FAM131C: variants seen among roughly 807,000 people sequenced by gnomAD.
The protein encoded by FAM131C is protein FAM131C.
Under a neutral mutation model 29.8 loss-of-function variants are expected in FAM131C, and 14 were observed. The observed-to-expected ratio is 0.47, with a 90% CI of 0.31 to 0.73. The LOEUF (loss-of-function observed/expected upper bound fraction) is 0.73. FAM131C is among the 30% of genes least tolerant of loss of function. FAM131C has a pLI of 0.05. For missense variants in FAM131C, 252 were observed against 383.8 expected (o/e 0.66, Z 2.87); for synonymous variants, 86 against 157.8 (o/e 0.54, Z 3.41).
chr1:16,058,231 G>C lies in FAM131C; in HGVS notation c.*206C>G. On this transcript the variant is annotated 3_prime_UTR_variant, in exon 7 of 7. Coordinates refer to ENST00000375662, the MANE Select transcript of FAM131C (RefSeq NM_182623.3). The stretch of plus-strand genomic sequence containing the variant: ...TGAGTGAAGTAATGAAGGGGGAGGG[G>C]GTTATGGCTCCCACTGCTGGGGCAG... 4.6e-6 allele frequency: 2 copies of C among 435,638 alleles called. No homozygotes were observed. Among genetic ancestry groups the C allele is most frequent in the Non-Finnish European group, 8.1e-6 (2 of 247,858 alleles). 27.0% of individuals were successfully genotyped at this position (435,638 alleles called of 1,614,324 possible). A position where few individuals can be genotyped will look rare whatever the true frequency, so the allele number is the denominator to read the frequency against.
At chr1:16,072,159 G>A (rs1164540684) in intron 1 of FAM131C, among the ~76,000 whole-genome samples, 5 of 152,146 alleles carry the variant, frequency 3.3e-5, no homozygotes, top group South Asian at 2.1e-4. Context: ...CCTGGCACAC[G>A]GCAGCTATCA....
intron 1 of FAM131C, among the ~76,000 whole-genome samples, chr1:16,070,875 C>T (rs899747760): frequency 3.3e-4 from 50 of 152,328 alleles, no homozygotes; most frequent in African/African-American, 9.9e-4. Flanking sequence ...AGCCCTGCTT[C>T]GTATTCTGCA....
At chr1:16,062,404 C>T (rs1212335146) in intron 3 of FAM131C, 95 bp downstream of exon 3, 9 of 1,347,292 alleles carry the variant, frequency 6.7e-6, no homozygotes, top group Admixed American at 2.8e-5. Flanking sequence ...CGCCCCAGGG[C>T]CAGCAGGACT....
At chr1:16,058,814 C>G in intron 6 of FAM131C, 97 bp from the exon 7 acceptor site, 1 of 1,156,120 alleles carries the variant, frequency 8.6e-7, no homozygotes, top group Non-Finnish European at 1.2e-6. Context: ...GAAGACCTGC[C>G]TCCAAATCCA....
intron 4 of FAM131C, among the ~76,000 whole-genome samples, chr1:16,061,791 C>A (rs2023597467): frequency 3.3e-5 from 5 of 151,678 alleles, no homozygotes; most frequent in Admixed American, 3.3e-4. Flanking sequence ...TTCCAGGGAA[C>A]CTGAACTAAG....
intron 1 of FAM131C, among the ~76,000 whole-genome samples, chr1:16,070,287 G>A (rs748918540): frequency 1.3e-5 from 2 of 152,160 alleles, no homozygotes; most frequent in South Asian, 2.1e-4. Flanking sequence ...CTCAACAAAC[G>A]GTAGCTTAAA....
At chr1:16,072,578 C>G (rs2124138315) in intron 1 of FAM131C, among the ~76,000 whole-genome samples, 1 of 152,260 alleles carries the variant, frequency 6.6e-6, no homozygotes, top group East Asian at 1.9e-4. Context: ...TAAAATGTTG[C>G]CCAACAGCCT....
At chr1:16,066,450 C>A (rs1473755619) in intron 1 of FAM131C, among the ~76,000 whole-genome samples, 1 of 152,186 alleles carries the variant, frequency 6.6e-6, no homozygotes, top group Non-Finnish European at 1.5e-5. Flanking sequence ...GTTCTTTTTC[C>A]TGAGTCCCTG....
chr1:16,059,744 C>T (rs2023563710), intron 5 of FAM131C, 125 bp downstream of exon 5: 2 of 301,924 alleles, frequency 6.6e-6, no homozygotes, highest in African/African-American at 3.0e-5. Flanking sequence ...AGAGTGCTCA[C>T]TTAATACTCA....
At chr1:16,061,592 C>T (rs1371377018) in intron 4 of FAM131C, among the ~76,000 whole-genome samples, 1 of 152,164 alleles carries the variant, frequency 6.6e-6, no homozygotes, top group Non-Finnish European at 1.5e-5. Flanking sequence ...AGCCCCCTTG[C>T]CTTGGGGTGT....
chr1:16,058,889 C>G (rs1250011569), intron 6 of FAM131C, among the ~76,000 whole-genome samples, 172 bp from the exon 7 acceptor site: 1 of 152,232 alleles, frequency 6.6e-6, no homozygotes, highest in Non-Finnish European at 1.5e-5. Flanking sequence ...CCAGCTTTCT[C>G]CTCCAGGCAG....
intron 1 of FAM131C, among the ~76,000 whole-genome samples, chr1:16,070,088 G>A (rs769148291): frequency 1.3e-5 from 2 of 152,158 alleles, no homozygotes; most frequent in African/African-American, 2.4e-5. Flanking sequence ...AGAAAGCAAA[G>A]GACGGGGTTT....
chr1:16,065,885 G>C lies in FAM131C; in HGVS notation c.23-2249C>G, dbSNP rs553288057. Among the ~76,000 whole-genome samples, 12 of 150,504 alleles carry C rather than the reference G, an allele frequency of 8.0e-5. 1 individual carries two copies. In the East Asian group the frequency reaches 2.3e-3, roughly 29 times the overall value. ...GGGGAAGGTAAGCATTCAGTTGGAGGTGAGATTAAGGTTTTCTTTTCTTTT... is the reference window on the plus strand; with the variant it reads ...GGGGAAGGTAAGCATTCAGTTGGAGCTGAGATTAAGGTTTTCTTTTCTTTT... On this transcript the variant is annotated intron_variant, in intron 1 of 6. Transcript: ENST00000375662.
chr1:16,071,111 T>C (rs2023744155), intron 1 of FAM131C, among the ~76,000 whole-genome samples: 1 of 152,228 alleles, frequency 6.6e-6, no homozygotes, highest in Admixed American at 6.5e-5. Flanking sequence ...AGTGCCTACC[T>C]GGCCTAGGAG....
rs2023616397 is a variant in FAM131C, at chr1:16,062,482, C to T, written c.174+17G>A. On this transcript the variant is annotated intron_variant, in intron 3 of 6. Transcript: ENST00000375662. ...CAGCTGGGGCCGGCTAGAATGGGGA[C>T]ACACAAGTGCACTGACCTGCCAAGG... 1 of 1,575,214 alleles carries T rather than the reference C, an allele frequency of 6.3e-7. No individual in the cohort carries two copies. Among genetic ancestry groups the T allele is most frequent in the East Asian group, 2.3e-5 (1 of 43,614 alleles).
rs777129969 is a variant in FAM131C, at chr1:16,058,362, G to T, written c.*75C>A. On this transcript the variant is annotated 3_prime_UTR_variant, in exon 7 of 7. Coordinates refer to ENST00000375662, the MANE Select transcript of FAM131C (RefSeq NM_182623.3). Reference sequence around the variant, plus strand: ...AGGGATGCCCTGCCCTGGACCCCGGGGTCCAGATATGCCTGGGCTGCCCAC... The same window carrying T: ...AGGGATGCCCTGCCCTGGACCCCGGTGTCCAGATATGCCTGGGCTGCCCAC... 13 of 1,381,124 alleles carry T rather than the reference G, an allele frequency of 9.4e-6. No individual in the cohort carries two copies. The highest frequency in any genetic ancestry group is 1.2e-5 in the Non-Finnish European group (13 of 1,045,298). The allele number at this position is 1,381,124 out of a possible 1,614,324, so 85.6% of individuals were successfully genotyped here. A position where few individuals can be genotyped will look rare whatever the true frequency, so the allele number is the denominator to read the frequency against.
chr1:16,072,722 C>T (rs1170597604), intron 1 of FAM131C, among the ~76,000 whole-genome samples: 1 of 152,052 alleles, frequency 6.6e-6, no homozygotes, highest in Non-Finnish European at 1.5e-5. Flanking sequence ...TGCCCTGGGC[C>T]CCCAGGCAAG....
chr1:16,073,328 G>A, intron 1 of FAM131C, 93 bp downstream of exon 1: 1 of 704,840 alleles, frequency 1.4e-6, no homozygotes, highest in Non-Finnish European at 1.9e-6. Flanking sequence ...TGAAGGGCGG[G>A]TCGCCAGCCC....
At chr1:16,060,950 A>G (rs12144143) in intron 4 of FAM131C, among the ~76,000 whole-genome samples, 77,940 of 151,892 alleles carry the variant, frequency 0.51, 20,711 homozygotes, top group Middle Eastern at 0.58. Flanking sequence ...GGGCAGACAG[A>G]GAGGAGGGGT....
Sources: allele counts gnomAD v4.1 joint callset (sites outside exome capture counted in the v4.1 genomes callset), GRCh38; gene constraint gnomAD v4.1.1; transcripts MANE v1.5; gene names NCBI Gene and HGNC (gene_info 2026-07-23, HGNC 2026-07-21).